LOXHD1: variants seen among roughly 807,000 people sequenced by gnomAD.
The protein encoded by LOXHD1 is lipoxygenase homology domain-containing protein 1.
Under a neutral mutation model 248.2 loss-of-function variants are expected in LOXHD1, and 205 were observed. The observed-to-expected ratio is 0.83, with a 90% CI of 0.74 to 0.93. LOXHD1 has a LOEUF of 0.93. LOXHD1 is among the 40% of genes least tolerant of loss of function. LOXHD1 has a pLI of 0.00. For synonymous variants in LOXHD1, 1,113 were observed against 1,162.8 expected, an observed-to-expected ratio of 0.96 and a Z score of 0.87; for missense variants, 2,930 against 2,971.6, an observed-to-expected ratio of 0.99 and a Z score of 0.33.
intron 8 of LOXHD1, among the ~76,000 whole-genome samples, chr18:46,598,736 A>G (rs915910326): frequency 6.6e-6 from 1 of 152,184 alleles, no homozygotes; most frequent in Non-Finnish European, 1.5e-5. Flanking sequence ...TCTCTTAAAC[A>G]TATCTAACAG....
chr18:46,520,996 G>T, intron 33 of LOXHD1, 101 bp downstream of exon 33: 1 of 1,379,774 alleles, frequency 7.2e-7, no homozygotes, highest in East Asian at 2.5e-5. Flanking sequence ...ATGCCCCAGT[G>T]ATGAGTCTCC....
rs1407136283 is a variant in LOXHD1 at position 46,529,293 on chromosome 18, GA to G, written c.4413del (p.Pro1472LeufsTer50). 34 of 1,551,404 alleles carry G rather than the reference GA, an allele frequency of 2.2e-5. No individual in the cohort carries two copies. The highest frequency in any genetic ancestry group is 2.9e-5 in the Non-Finnish European group (33 of 1,146,844). The part of the protein sequence containing the change: ...LYSVQIFTGN[I>X]PGAGTDAKVY... The stretch of plus-strand genomic sequence containing the variant: ...ACCTTGGCATCCGTCCCTGCCCCAG[GA>G]ATGTTCCCTGTGAAGATCTGCACCG... On this transcript the variant is annotated frameshift_variant, in exon 29 of 41. Transcript: ENST00000642948. LOFTEE classifies it high-confidence loss of function.
At position 46,637,230 on chromosome 18, in the gene LOXHD1, C is replaced by T. The variant is rs528926204; in HGVS notation, c.511+2386G>A. 2.6e-5 allele frequency among the ~76,000 whole-genome samples: 4 copies of T among 152,318 alleles called. No homozygotes were observed. The South Asian group carries it at 8.3e-4, about 32-fold the overall frequency. The stretch of plus-strand genomic sequence containing the variant: ...CCTTTTTCATTCCATTCTCTGGAAT[C>T]CAGCCTGGAAATACTAAGAACCTAA... On this transcript the variant is annotated intron_variant, in intron 4 of 40. Transcript: ENST00000642948.
chr18:46,564,454 C>A (rs1473305730), intron 17 of LOXHD1, among the ~76,000 whole-genome samples: 3 of 152,108 alleles, frequency 2.0e-5, no homozygotes, highest in Non-Finnish European at 2.9e-5. Flanking sequence ...ATCGCTCGAG[C>A]CTGGGAGTCA....
At chr18:46,655,551 G>T (rs919193829) in intron 1 of LOXHD1, among the ~76,000 whole-genome samples, 1 of 152,182 alleles carries the variant, frequency 6.6e-6, no homozygotes, top group Non-Finnish European at 1.5e-5. Context: ...CCTCACAAGA[G>T]GGTCAGAGCT....
intron 40 of LOXHD1, among the ~76,000 whole-genome samples, chr18:46,479,766 AAAAAAAAAAAC>A (rs890665553): frequency 1.3e-5 from 2 of 151,240 alleles, no homozygotes; most frequent in South Asian, 2.1e-4. Flanking sequence ...CTTAACAGAA[AAAAAAAAAAAC>A]AAAAAAAAAA....
chr18:46,573,981 C>A (rs755091872), intron 14 of LOXHD1, among the ~76,000 whole-genome samples: 1 of 152,024 alleles, frequency 6.6e-6, no homozygotes, highest in Non-Finnish European at 1.5e-5. Flanking sequence ...GAAATCAACC[C>A]GTTAACAGCC....
intron 5 of LOXHD1, among the ~76,000 whole-genome samples, chr18:46,612,846 C>T (rs1015392559): frequency 1.3e-5 from 2 of 152,006 alleles, no homozygotes; most frequent in African/African-American, 4.8e-5. Context: ...GTTCAAATAC[C>T]AGTAATCGAA....
intron 6 of LOXHD1, among the ~76,000 whole-genome samples, chr18:46,607,002 C>T (rs1339852542): frequency 6.6e-6 from 1 of 151,728 alleles, no homozygotes; most frequent in Non-Finnish European, 1.5e-5. Context: ...CCTGCCTCTA[C>T]TAAAACTACA....
intron 4 of LOXHD1, among the ~76,000 whole-genome samples, chr18:46,624,497 T>C (rs1157659869): frequency 6.6e-6 from 1 of 152,174 alleles, no homozygotes; most frequent in East Asian, 1.9e-4. Context: ...CACCGACCAA[T>C]GGATTCCCTC....
At chr18:46,649,318 A>C in intron 1 of LOXHD1, 49 bp from the exon 2 acceptor site, 2 of 1,468,386 alleles carry the variant, frequency 1.4e-6, no homozygotes, top group Non-Finnish European at 1.9e-6. Context: ...AAAAAACCGG[A>C]ATCCTGTGTG....
Position 46,589,652 on chromosome 18 carries a change from A to G in LOXHD1, c.1654+2281T>C, listed in dbSNP as rs115903418. Among the ~76,000 whole-genome samples the G allele has an allele frequency of 8.4e-3, 1,274 of 152,334 alleles. 29 individuals are homozygous for G. Among genetic ancestry groups the G allele is most frequent in the African/African-American group, 0.03 (1,231 of 41,576 alleles). On this transcript the variant is annotated intron_variant, in intron 12 of 40. Coordinates refer to ENST00000642948, the MANE Select transcript of LOXHD1 (RefSeq NM_001384474.1). Reference sequence around the variant, plus strand: ...CTGTATTTCAATAAACACTTCAGGTAGTTTTGATATAGATGGGCCCTTGAC... The same window carrying G: ...CTGTATTTCAATAAACACTTCAGGTGGTTTTGATATAGATGGGCCCTTGAC...
chr18:46,561,572 T>G (rs1434790320), intron 18 of LOXHD1, among the ~76,000 whole-genome samples: 1 of 152,314 alleles, frequency 6.6e-6, no homozygotes, highest in East Asian at 1.9e-4. Context: ...TCCCACCAGT[T>G]CTTTCACTGA....
intron 39 of LOXHD1, among the ~76,000 whole-genome samples, chr18:46,484,515 G>C (rs553265999): frequency 6.6e-6 from 1 of 152,270 alleles, no homozygotes; most frequent in South Asian, 2.1e-4. Flanking sequence ...CAGATTTGCT[G>C]GTGCCTTGGT....
intron 33 of LOXHD1, among the ~76,000 whole-genome samples, chr18:46,519,268 C>G (rs2035442010): frequency 6.6e-6 from 1 of 152,164 alleles, no homozygotes; most frequent in Non-Finnish European, 1.5e-5. Flanking sequence ...CGTACCTGGT[C>G]CAGTGTGTCC....
chr18:46,485,092 T>C lies in LOXHD1; in HGVS notation c.6109A>G (p.Ile2037Val). ...GATCGGTTCTTCCTGCCCTCCAGGA[T>C]GAGCCAGACGTTCTCCCTGGTTTCG... Reference protein sequence around the residue: ...GGETRENVWLILEGRKNRSKE... With the variant: ...GGETRENVWLVLEGRKNRSKE... Residue 2037 changes from isoleucine to valine, a missense_variant, in exon 39 of 41, where the codon ATC (isoleucine) becomes GTC (valine). Physicochemically the swap from Ile to Val is conservative, Grantham distance 29. Transcript: ENST00000642948. 6.4e-7 allele frequency: 1 copy of C among 1,550,688 alleles called. No individual in the cohort carries two copies. The highest frequency in any genetic ancestry group is 8.7e-7 in the Non-Finnish European group (1 of 1,146,710).
chr18:46,507,945 T>C (rs1368818423), intron 35 of LOXHD1, among the ~76,000 whole-genome samples: 1 of 152,110 alleles, frequency 6.6e-6, no homozygotes, highest in East Asian at 1.9e-4. Context: ...TAGCTTGGGA[T>C]TTGGGAATGG....
intron 18 of LOXHD1, among the ~76,000 whole-genome samples, chr18:46,562,821 T>A (rs1042280098): frequency 2.6e-5 from 4 of 152,160 alleles, no homozygotes; most frequent in African/African-American, 9.7e-5. Flanking sequence ...CAGGCAGCAC[T>A]TTTTTCTTAA....
intron 4 of LOXHD1, among the ~76,000 whole-genome samples, chr18:46,635,991 G>T (rs551886140): frequency 6.6e-6 from 1 of 152,162 alleles, no homozygotes; most frequent in Non-Finnish European, 1.5e-5. Context: ...CAGCCATTTG[G>T]TTGGTCCTGC....
Sources: gnomAD v4.1 joint callset for allele counts (sites outside exome capture counted in the v4.1 genomes callset) on GRCh38, gnomAD v4.1.1 for gene constraint, MANE v1.5 for transcripts, NCBI Gene and HGNC (gene_info 2026-07-23, HGNC 2026-07-21) for gene names.